RIMS2: variants seen among roughly 807,000 people sequenced by gnomAD.
RIMS2 encodes regulating synaptic membrane exocytosis 2.
Under a neutral mutation model 174.4 loss-of-function variants are expected in RIMS2, and 59 were observed. That is an observed-to-expected ratio of 0.34 (90% CI 0.27 to 0.42). RIMS2 has a LOEUF of 0.42. RIMS2 is among the 10% of genes least tolerant of loss of function. The pLI, the probability that RIMS2 is intolerant of heterozygous loss-of-function variation, is 1.00. For missense variants in RIMS2, 1,620 were observed against 1,666.3 expected, an observed-to-expected ratio of 0.97 and a Z score of 0.48; for synonymous variants, 606 against 572.5, an observed-to-expected ratio of 1.06 and a Z score of -0.84.
chr8:103,634,402 G>C (rs937981995), intron 1 of RIMS2, among the ~76,000 whole-genome samples: 1 of 152,104 alleles, frequency 6.6e-6, no homozygotes, highest in African/African-American at 2.4e-5. Context: ...TGTGATTTCA[G>C]TTCTTTTACA....
intron 19 of RIMS2, among the ~76,000 whole-genome samples, chr8:104,206,233 G>T (rs529974888): frequency 6.6e-6 from 1 of 152,200 alleles, no homozygotes; most frequent in African/African-American, 2.4e-5. Context: ...TTTTATTCTT[G>T]TGTTTGGAAA....
At chr8:104,194,441 A>C (rs558906978) in intron 19 of RIMS2, among the ~76,000 whole-genome samples, 1 of 152,346 alleles carries the variant, frequency 6.6e-6, no homozygotes, top group East Asian at 1.9e-4. Context: ...TGAATGTAAA[A>C]TTAAAGAAGT....
intron 1 of RIMS2, among the ~76,000 whole-genome samples, chr8:103,611,772 G>A (rs1167641657): frequency 6.6e-6 from 1 of 151,752 alleles, no homozygotes. Context: ...GGTTAAATCT[G>A]CTTGGTGTTC....
intron 1 of RIMS2, among the ~76,000 whole-genome samples, chr8:103,541,003 T>G (rs981657113): frequency 2.0e-5 from 3 of 152,044 alleles, no homozygotes; most frequent in African/African-American, 7.2e-5. Context: ...CAAAGAAAGC[T>G]TATGGGATTT....
chr8:103,569,870 C>CA (rs2092682762), intron 1 of RIMS2, among the ~76,000 whole-genome samples: 1 of 151,592 alleles, frequency 6.6e-6, no homozygotes, highest in Non-Finnish European at 1.5e-5. Context: ...TGGCCTCAAG[C>CA]AGTCCTACTG....
chr8:103,693,309 A>C (rs1304404770), intron 1 of RIMS2, among the ~76,000 whole-genome samples: 1 of 152,166 alleles, frequency 6.6e-6, no homozygotes, highest in Non-Finnish European at 1.5e-5. Flanking sequence ...TACCCTCTTC[A>C]GTGCCTCTTT....
At chr8:103,913,380 G>A (rs1050443356) in intron 6 of RIMS2, among the ~76,000 whole-genome samples, 2 of 151,982 alleles carry the variant, frequency 1.3e-5, no homozygotes, top group Admixed American at 6.6e-5. Context: ...GTTACAGTGG[G>A]CTGTGATCAC....
At chr8:103,666,759 A>C (rs2111492) in intron 1 of RIMS2, among the ~76,000 whole-genome samples, 17,603 of 151,994 alleles carry the variant, frequency 0.12, 1,339 homozygotes, top group Non-Finnish European at 0.17. Flanking sequence ...ACCTCCCATA[A>C]TTTTGTTTAA....
chr8:103,525,857 A>G (rs1010646043), intron 1 of RIMS2, among the ~76,000 whole-genome samples: 1 of 152,196 alleles, frequency 6.6e-6, no homozygotes, highest in Admixed American at 6.5e-5. Context: ...GGATTAGGCA[A>G]TTTGGACTAA....
exon 1 of RIMS2, chr8:103,500,868 T>A: frequency 6.4e-7 from 1 of 1,562,726 alleles, no homozygotes; most frequent in Non-Finnish European, 8.6e-7. Flanking sequence ...TTCCCTAGGG[T>A]GGTTCGGCTC....
chr8:104,054,747 G>A (rs2096841023), intron 19 of RIMS2, among the ~76,000 whole-genome samples: 1 of 151,980 alleles, frequency 6.6e-6, no homozygotes, highest in African/African-American at 2.4e-5. Flanking sequence ...TTATTTTAAT[G>A]ATGTTTCTTT....
At chr8:104,221,910 T>A (rs2099157238) in intron 19 of RIMS2, among the ~76,000 whole-genome samples, 1 of 152,232 alleles carries the variant, frequency 6.6e-6, no homozygotes, top group Non-Finnish European at 1.5e-5. Context: ...CCTTCACTCC[T>A]TCCCACTCAC....
chr8:103,584,256 CATAAA>C (rs1421615918), intron 1 of RIMS2, among the ~76,000 whole-genome samples: 3 of 152,010 alleles, frequency 2.0e-5, no homozygotes, highest in Admixed American at 6.6e-5. Context: ...ATCCTTCAAA[CATAAA>C]AGAGAATTAA....
chr8:104,191,317 C>T (rs1340362146), intron 19 of RIMS2, among the ~76,000 whole-genome samples: 1 of 152,022 alleles, frequency 6.6e-6, no homozygotes, highest in Admixed American at 6.6e-5. Flanking sequence ...GTTTTAAATT[C>T]CCATGTTTAT....
intron 2 of RIMS2, among the ~76,000 whole-genome samples, chr8:103,759,433 T>G (rs1482072038): frequency 6.6e-6 from 1 of 150,842 alleles, no homozygotes; most frequent in Non-Finnish European, 1.5e-5. Context: ...GGCGTGGCGG[T>G]GGGCGCCTGT....
intron 19 of RIMS2, among the ~76,000 whole-genome samples, chr8:104,135,009 C>CAA (rs33946246): frequency 1.2e-4 from 18 of 151,640 alleles, no homozygotes; most frequent in Non-Finnish European, 2.4e-4. Context: ...ATTTTTGGTG[C>CAA]AAAAAAAATT....
chr8:103,648,850 G>A (rs2096394799), intron 1 of RIMS2, among the ~76,000 whole-genome samples: 1 of 152,076 alleles, frequency 6.6e-6, no homozygotes, highest in South Asian at 2.1e-4. Context: ...TGTGAGATGG[G>A]TCTCTTGAAG....
rs192153032 is a variant in RIMS2, at chr8:104,151,554, C to T, written c.3335-93362C>T. 1.7e-3 allele frequency among the ~76,000 whole-genome samples: 255 copies of T among 149,600 alleles called. 6 individuals are homozygous for T. The East Asian group carries it at 0.044, about 26-fold the overall frequency. ...CTGCCCTCCAGCCTGGGTGACGGAG[C>T]GAGACTCTGTCCTGCACTCCCCCAA... On this transcript the variant is annotated intron_variant, in intron 19 of 23. Transcript: ENST00000504942.
At chr8:103,637,748 C>A (rs545699247) in intron 1 of RIMS2, among the ~76,000 whole-genome samples, 1 of 152,296 alleles carries the variant, frequency 6.6e-6, no homozygotes, top group South Asian at 2.1e-4. Flanking sequence ...TATTAAATAA[C>A]TGTAGGATTT....
Sources: gnomAD v4.1 joint callset for allele counts (sites outside exome capture counted in the v4.1 genomes callset) on GRCh38, gnomAD v4.1.1 for gene constraint, MANE v1.5 for transcripts, NCBI Gene and HGNC (gene_info 2026-07-23, HGNC 2026-07-21) for gene names.